Variants in SLC22A11 observed in about 807,000 individuals in gnomAD.
The protein encoded by SLC22A11 is organic anion transporter 4.
Under a neutral mutation model 49.4 loss-of-function variants are expected in SLC22A11, and 42 were observed. The ratio of observed to expected loss-of-function variants is 0.85; its 90% confidence interval spans 0.66 to 1.10. SLC22A11 has a LOEUF of 1.10. Among genes scored for constraint, SLC22A11 ranks in the 50% least tolerant of loss-of-function variants. The pLI is 0.00. For synonymous variants in SLC22A11, 304 were observed against 315.8 expected (o/e 0.96, Z 0.40); for missense variants, 685 against 731.6 (o/e 0.94, Z 0.74).
rs769254236 is a variant in SLC22A11 at position 64,568,818 on chromosome 11, C to A, written c.1382+40C>A. 2.7e-5 allele frequency: 43 copies of A among 1,571,404 alleles called. No individual in the cohort carries two copies. The East Asian group carries it at 6.9e-4, about 25-fold the overall frequency. On this transcript the variant is annotated intron_variant, in intron 8 of 9. Transcript: ENST00000301891. ...AGGCCATGCCCCAGGGCCAGCAGGG[C>A]CGTCCTGAGAGGGCGGTGGGAAGGG...
intron 7 of SLC22A11, among the ~76,000 whole-genome samples, chr11:64,568,306 C>T (rs373956479): frequency 2.0e-5 from 3 of 152,252 alleles, no homozygotes; most frequent in East Asian, 1.9e-4. Flanking sequence ...GGCAGGCTGG[C>T]GGGCAGCAGG....
intron 2 of SLC22A11, among the ~76,000 whole-genome samples, chr11:64,560,746 C>T (rs959026206): frequency 1.3e-5 from 2 of 152,198 alleles, no homozygotes; most frequent in Non-Finnish European, 2.9e-5. Flanking sequence ...CACAGGGACC[C>T]AGGGACTGTG....
chr11:64,567,654 C>G lies in SLC22A11; in HGVS notation c.1114C>G (p.Arg372Gly). The change falls in exon 7 of 10, where the codon CGT (arginine) becomes GGT (glycine). Residue 372 changes from arginine (R) to glycine (G), a missense_variant. Coordinates refer to ENST00000301891, the MANE Select transcript of SLC22A11 (RefSeq NM_018484.4). ...GLVFDLQSLG[R>G]DIFLLQALFG... is the part of the protein sequence containing the mutation. ...GGTCTTCGACCTGCAGAGCCTGGGC[C>G]GTGACATCTTCCTCCTCCAGGCCCT... is the stretch of plus-strand genomic sequence containing the variant. The G allele has an allele frequency of 6.2e-7, 1 of 1,614,130 alleles. No homozygotes were observed. Among genetic ancestry groups the G allele is most frequent in the South Asian group, 1.1e-5 (1 of 91,088 alleles).
rs1344319226 is a variant in SLC22A11 at position 64,564,772 on chromosome 11, C to T, written c.942+344C>T. ...CCACCTTCACCACCATCGTCACCATCGGTAACAGCACCATCATTATCAACA... is the reference window on the plus strand; with the variant it reads ...CCACCTTCACCACCATCGTCACCATTGGTAACAGCACCATCATTATCAACA... On this transcript the variant is annotated intron_variant, in intron 5 of 9. Coordinates refer to ENST00000301891, the MANE Select transcript of SLC22A11 (RefSeq NM_018484.4). This position sits in a 1 kb window ranked among gnomAD's most constrained non-coding sequence, Gnocchi z 4.2. Among the ~76,000 whole-genome samples, 1 of 152,144 alleles carries T rather than the reference C, an allele frequency of 6.6e-6. No homozygotes were observed. Among genetic ancestry groups the T allele is most frequent in the African/African-American group, 2.4e-5 (1 of 41,424 alleles).
chr11:64,567,689 C>T lies in SLC22A11; in HGVS notation c.1149C>T (p.Ala383=), dbSNP rs1165371454. The change falls in exon 7 of 10, where the codon GCC becomes GCT. Residue 383 remains alanine, a synonymous_variant. Transcript: ENST00000301891. ...TCCTCCTCCAGGCCCTCTTCGGGGC[C>T]GTGGACTTCCTGGGCCGGGCCACCA... ...DIFLLQALFG[A]VDFLGRATTA... 6 of 1,613,934 alleles carry T rather than the reference C, an allele frequency of 3.7e-6. No homozygotes were observed. The highest frequency in any genetic ancestry group is 5.1e-6 in the Non-Finnish European group (6 of 1,180,042).
rs758155050 is a variant in SLC22A11 at position 64,562,049 on chromosome 11, C to T, written c.543C>T (p.Ala181=). 4.3e-5 allele frequency: 69 copies of T among 1,613,752 alleles called. No homozygotes were observed. Among genetic ancestry groups the T allele is most frequent in the Non-Finnish European group, 5.3e-5 (63 of 1,180,008 alleles). The change falls in exon 3 of 10, where the codon GCC becomes GCT. Residue 181 remains alanine (A), a synonymous_variant. Coordinates refer to ENST00000301891, the MANE Select transcript of SLC22A11 (RefSeq NM_018484.4). The surrounding 1 kb of genome is among the most constrained non-coding windows in gnomAD (Gnocchi z 4.4). ...PMLSWCCLQL[A]VAGTSTIFAP... is the part of the protein sequence containing the mutation. ...TGAGCTGGTGCTGCCTGCAGTTGGCCGTGGCGGGCACCAGCACCATCTTCG... is the reference window on the plus strand; with the variant it reads ...TGAGCTGGTGCTGCCTGCAGTTGGCTGTGGCGGGCACCAGCACCATCTTCG...
At chr11:64,557,627 C>CTTTTTTTTTT (rs766276214) in intron 1 of SLC22A11, among the ~76,000 whole-genome samples, 2 of 104,056 alleles carry the variant, frequency 1.9e-5, no homozygotes, top group African/African-American at 4.4e-5. Context: ...TTTTCTTTCT[C>CTTTTTTTTTT]TTTTTTTTTT....
intron 1 of SLC22A11, among the ~76,000 whole-genome samples, chr11:64,557,378 G>A (rs770821882): frequency 6.6e-6 from 1 of 152,228 alleles, no homozygotes; most frequent in African/African-American, 2.4e-5. Flanking sequence ...GTTGCGAGGG[G>A]TGAGGAGCGG....
At chr11:64,570,163 C>T (rs575296071) in intron 9 of SLC22A11, among the ~76,000 whole-genome samples, 20 of 152,372 alleles carry the variant, frequency 1.3e-4, no homozygotes, top group African/African-American at 4.8e-4. Context: ...ACGTTCCCCA[C>T]CTGCCTGGGC....
At chr11:64,561,963 G>A (rs1325537575) in intron 2 of SLC22A11, 41 bp from the exon 3 acceptor site, 1 of 1,576,194 alleles carries the variant, frequency 6.3e-7, no homozygotes, top group African/African-American at 1.4e-5. Context: ...ACGTCCTCAG[G>A]GGCCCCTCTC....
chr11:64,560,288 C>T (rs1293916379), intron 2 of SLC22A11, among the ~76,000 whole-genome samples: 2 of 152,112 alleles, frequency 1.3e-5, no homozygotes, highest in Non-Finnish European at 2.9e-5. Flanking sequence ...CGCAGGTGTC[C>T]TCTGCAGTGG....
At position 64,569,912 on chromosome 11, in the gene SLC22A11, T is replaced by C. The variant is rs185640375; in HGVS notation, c.1589+54T>C. 8.4e-5 allele frequency: 133 copies of C among 1,580,020 alleles called. No individual in the cohort carries two copies. The African/African-American group carries it at 1.4e-3, about 17-fold the overall frequency. On this transcript the variant is annotated intron_variant, in intron 9 of 9. Coordinates refer to ENST00000301891, the MANE Select transcript of SLC22A11 (RefSeq NM_018484.4). ...GGCTGGGCTTCCTCCTGGGCCAAGA[T>C]GGAGACAGGCCTGGGCTGCCCAGGG...
intron 8 of SLC22A11, 42 bp from the exon 9 acceptor site, chr11:64,569,610 G>T: frequency 2.5e-6 from 4 of 1,580,466 alleles, no homozygotes; most frequent in Non-Finnish European, 3.5e-6. Context: ...CTGCCACAGG[G>T]CCAGCTGTTA....
intron 2 of SLC22A11, 50 bp from the exon 3 acceptor site, chr11:64,561,954 C>G: frequency 1.3e-6 from 2 of 1,563,326 alleles, no homozygotes; most frequent in Non-Finnish European, 1.7e-6. Context: ...CACATATCCA[C>G]GTCCTCAGGG....
In SLC22A11 at chr11:64,562,057, G is replaced by A. The variant is rs745833316; in HGVS notation, c.551G>A (p.Gly184Asp). ...SWCCLQLAVA[G>D]TSTIFAPTFV... is the part of the protein sequence containing the mutation. ...TGCTGCCTGCAGTTGGCCGTGGCGG[G>A]CACCAGCACCATCTTCGCCCCAACA... Residue 184 changes from glycine to aspartate, a missense_variant, in exon 3 of 10, where the codon GGC (glycine) becomes GAC (aspartate). Gly to Asp is a moderately conservative substitution (Grantham distance 94). Coordinates refer to ENST00000301891, the MANE Select transcript of SLC22A11 (RefSeq NM_018484.4). This position sits in a 1 kb window ranked among gnomAD's most constrained non-coding sequence, Gnocchi z 4.4. 1 of 1,613,746 alleles carries A rather than the reference G, an allele frequency of 6.2e-7. No homozygotes were observed. The highest frequency in any genetic ancestry group is 8.5e-7 in the Non-Finnish European group (1 of 1,180,016).
In SLC22A11 at chr11:64,567,741, C is replaced by A. The variant is rs373906134; in HGVS notation, c.1201C>A (p.Arg401Ser). ...TTALLLSFLG[R>S]RTIQAGSQAM... ...TGCCCTCTTGCTCAGTTTCCTTGGC[C>A]GCCGCACCATCCAGGCGGGTTCCCA... The change falls in exon 7 of 10, where the codon CGC (arginine) becomes AGC (serine). Residue 401 changes from arginine to serine, a missense_variant. Transcript: ENST00000301891. The A allele has an allele frequency of 9.5e-5, 154 of 1,613,254 alleles. No homozygotes were observed. Among genetic ancestry groups the A allele is most frequent in the Admixed American group, 1.5e-4 (9 of 60,000 alleles).
chr11:64,564,862 G>A lies in SLC22A11; in HGVS notation c.943-360G>A, dbSNP rs1442087924. Among the ~76,000 whole-genome samples the A allele has an allele frequency of 6.6e-6, 1 of 152,188 alleles. No homozygotes were observed. Among genetic ancestry groups the A allele is most frequent in the Non-Finnish European group, 1.5e-5 (1 of 68,022 alleles). On this transcript the variant is annotated intron_variant, in intron 5 of 9. Coordinates refer to ENST00000301891, the MANE Select transcript of SLC22A11 (RefSeq NM_018484.4). The surrounding 1 kb of genome is among the most constrained non-coding windows in gnomAD (Gnocchi z 4.2). ...TGCATGTAGCACGCACCCACCTCAT[G>A]GGGGTTCTCGATGTGTCTGGGGAAA...
Position 64,562,528 on chromosome 11 carries a change from C to T in SLC22A11, c.821+93C>T. 1.5e-6 allele frequency: 2 copies of T among 1,347,320 alleles called. No homozygotes were observed. The highest frequency in any genetic ancestry group is 2.0e-6 in the Non-Finnish European group (2 of 1,004,362). The allele number at this position is 1,347,320 out of a possible 1,614,324, so 83.5% of individuals were successfully genotyped here. Reference sequence around the variant, plus strand: ...CTCTGGCTGGCAGTAGGTCCAGAGACCTGGAGTGCCACAGAAGGGCCATGG... The same window carrying T: ...CTCTGGCTGGCAGTAGGTCCAGAGATCTGGAGTGCCACAGAAGGGCCATGG... On this transcript the variant is annotated intron_variant, in intron 4 of 9. Coordinates refer to ENST00000301891, the MANE Select transcript of SLC22A11 (RefSeq NM_018484.4). The surrounding 1 kb of genome is among the most constrained non-coding windows in gnomAD (Gnocchi z 4.4).
chr11:64,557,742 G>A (rs1044449267), intron 1 of SLC22A11, among the ~76,000 whole-genome samples: 1 of 146,304 alleles, frequency 6.8e-6, no homozygotes, highest in Non-Finnish European at 1.5e-5. Flanking sequence ...AATGATCCTC[G>A]TGGCTTGGCC....
Sources: allele counts gnomAD v4.1 joint callset (sites outside exome capture counted in the v4.1 genomes callset), GRCh38; gene constraint gnomAD v4.1.1; non-coding constraint Gnocchi (gnomAD v3.1); transcripts MANE v1.5; gene names NCBI Gene and HGNC (gene_info 2026-07-23, HGNC 2026-07-21).